NCAM2: variants seen among roughly 807,000 people sequenced by gnomAD.
The protein encoded by NCAM2 is N-CAM-2.
Under a neutral mutation model 98.1 loss-of-function variants are expected in NCAM2, and 30 were observed. The ratio of observed to expected loss-of-function variants is 0.31; its 90% CI spans 0.23 to 0.41. NCAM2 has a LOEUF of 0.41. Ranked by LOEUF, NCAM2 falls within the 10% of genes least tolerant of loss-of-function variation. The pLI, the probability that NCAM2 is intolerant of heterozygous loss-of-function variation, is 1.00. For synonymous variants in NCAM2, 368 were observed against 342.4 expected (o/e 1.07, Z -0.83); for missense variants, 867 against 1,005.8 (o/e 0.86, Z 1.87).
At chr21:21,045,251 G>C (rs1296573741) in intron 1 of NCAM2, among the ~76,000 whole-genome samples, 1 of 152,122 alleles carries the variant, frequency 6.6e-6, no homozygotes, top group African/African-American at 2.4e-5. Flanking sequence ...GCTGTTAAAA[G>C]TGAAACACAG....
At chr21:21,164,652 T>C (rs564618725) in intron 1 of NCAM2, among the ~76,000 whole-genome samples, 4 of 152,352 alleles carry the variant, frequency 2.6e-5, no homozygotes, top group East Asian at 1.9e-4. Flanking sequence ...CTTCAGATTT[T>C]TTAAACCTAT....
At chr21:21,191,830 A>G (rs1186510166) in intron 1 of NCAM2, among the ~76,000 whole-genome samples, 5 of 152,318 alleles carry the variant, frequency 3.3e-5, no homozygotes, top group Non-Finnish European at 5.9e-5. Flanking sequence ...GATGATTGCA[A>G]CCTAGTGGGG....
intron 8 of NCAM2, among the ~76,000 whole-genome samples, chr21:21,355,925 G>T (rs1024165717): frequency 1.3e-5 from 2 of 152,200 alleles, no homozygotes; most frequent in Admixed American, 6.5e-5. Context: ...TTAATTCAAA[G>T]TAGGGATAGT....
chr21:21,103,136 A>G (rs2066278947), intron 1 of NCAM2, among the ~76,000 whole-genome samples: 1 of 152,076 alleles, frequency 6.6e-6, no homozygotes, highest in Admixed American at 6.6e-5. Context: ...TAGAAAGTCC[A>G]AGTTTTACAA....
chr21:21,025,186 T>C (rs1046177688), intron 1 of NCAM2, among the ~76,000 whole-genome samples: 2 of 151,818 alleles, frequency 1.3e-5, no homozygotes, highest in African/African-American at 4.8e-5. Context: ...CCCGGGTTCA[T>C]GCCATTCTCC....
intron 5 of NCAM2, among the ~76,000 whole-genome samples, chr21:21,309,988 G>T (rs1009864375): frequency 7.2e-5 from 11 of 152,210 alleles, no homozygotes; most frequent in African/African-American, 2.6e-4. Flanking sequence ...CTGCATCTTG[G>T]TTGGAAACTG....
chr21:21,267,426 G>A (rs1327349283), intron 1 of NCAM2, among the ~76,000 whole-genome samples: 1 of 152,032 alleles, frequency 6.6e-6, no homozygotes, highest in Non-Finnish European at 1.5e-5. Flanking sequence ...AGTATTATTT[G>A]CTTATAACTT....
At chr21:21,008,671 A>C (rs1013136316) in intron 1 of NCAM2, among the ~76,000 whole-genome samples, 9 of 152,198 alleles carry the variant, frequency 5.9e-5, no homozygotes, top group African/African-American at 2.2e-4. Flanking sequence ...GCAGTTACCA[A>C]AAATTACTTC....
chr21:21,488,637 T>C (rs190633665), intron 15 of NCAM2, among the ~76,000 whole-genome samples: 1 of 152,084 alleles, frequency 6.6e-6, no homozygotes, highest in East Asian at 1.9e-4. Flanking sequence ...ATAGCCAGTA[T>C]TATGCATGAT....
intron 5 of NCAM2, among the ~76,000 whole-genome samples, chr21:21,316,887 A>G (rs568029118): frequency 6.6e-6 from 1 of 152,176 alleles, no homozygotes; most frequent in East Asian, 1.9e-4. Flanking sequence ...TAGCCCCTGT[A>G]TATTGGTCCT....
intron 4 of NCAM2, among the ~76,000 whole-genome samples, chr21:21,289,808 A>G (rs2073229634): frequency 6.6e-6 from 1 of 151,974 alleles, no homozygotes; most frequent in South Asian, 2.1e-4. Context: ...TAATCAATGC[A>G]GTGACATAAG....
At chr21:21,440,310 A>G (rs1248812044) in intron 12 of NCAM2, among the ~76,000 whole-genome samples, 2 of 152,176 alleles carry the variant, frequency 1.3e-5, no homozygotes, top group African/African-American at 4.8e-5. Flanking sequence ...TCATGGGTAT[A>G]TTAGTAGTAA....
chr21:21,435,031 TAGAATATTCCTTTTTGGAGAC>T (rs1056081571), intron 12 of NCAM2, among the ~76,000 whole-genome samples: 5 of 131,026 alleles, frequency 3.8e-5, no homozygotes, highest in Non-Finnish European at 8.4e-5. Flanking sequence ...TTTTTGGAGA[TAGAATATTCCTTTTTGGAGAC>T]AGAATATTCA....
intron 11 of NCAM2, among the ~76,000 whole-genome samples, chr21:21,426,803 G>A (rs1019765753): frequency 6.6e-6 from 1 of 152,092 alleles, no homozygotes; most frequent in Admixed American, 6.5e-5. Flanking sequence ...TTCATTCTAG[G>A]TTCACTACAT....
intron 12 of NCAM2, among the ~76,000 whole-genome samples, chr21:21,443,432 T>C (rs1490710811): frequency 6.6e-6 from 1 of 152,058 alleles, no homozygotes; most frequent in Non-Finnish European, 1.5e-5. Context: ...TAATTTTTTT[T>C]TTCTTTTTTC....
At chr21:21,154,647 C>A (rs2067555026) in intron 1 of NCAM2, among the ~76,000 whole-genome samples, 2 of 151,830 alleles carry the variant, frequency 1.3e-5, no homozygotes, top group African/African-American at 4.8e-5. Context: ...CACTTTTCTT[C>A]ATCTGTGTAT....
intron 1 of NCAM2, among the ~76,000 whole-genome samples, chr21:21,007,167 A>G (rs1030460764): frequency 1.4e-4 from 22 of 152,188 alleles, no homozygotes; most frequent in African/African-American, 5.1e-4. Context: ...ACTAAAACCT[A>G]TAGTATAATA....
At chr21:21,452,310 A>G (rs557411381) in intron 12 of NCAM2, among the ~76,000 whole-genome samples, 84 of 116,040 alleles carry the variant, frequency 7.2e-4, no homozygotes, top group African/African-American at 2.3e-3. Flanking sequence ...TCTTAATTGA[A>G]ATGATATATG....
chr21:21,443,069 TTG>T (rs1384251195), intron 12 of NCAM2, among the ~76,000 whole-genome samples: 1 of 152,164 alleles, frequency 6.6e-6, no homozygotes, highest in Non-Finnish European at 1.5e-5. Flanking sequence ...TTTTGGTATG[TTG>T]TGTCTCTGTT....
Sources: allele counts gnomAD v4.1 joint callset (sites outside exome capture counted in the v4.1 genomes callset), GRCh38; gene constraint gnomAD v4.1.1; transcripts MANE v1.5; gene names NCBI Gene and HGNC (gene_info 2026-07-23, HGNC 2026-07-21).